The following MARK3 variants were observed in gnomAD, a reference collection of about 807,000 sequenced individuals.
MARK3 encodes the protein microtubule affinity regulating kinase 3, also known as MAP/microtubule affinity-regulating kinase 3.
MARK3 carries 46 observed loss-of-function variants against 90.1 expected under a neutral mutation model. That is an observed-to-expected ratio of 0.51 (90% CI 0.40 to 0.65). The LOEUF (loss-of-function observed/expected upper bound fraction) is 0.65. Among genes scored for constraint, MARK3 ranks in the 30% least tolerant of loss-of-function variants. MARK3 has a pLI of 0.00. For synonymous variants in MARK3, 321 were observed against 332.6 expected (o/e 0.97, Z 0.38); for missense variants, 818 against 947.2 (o/e 0.86, Z 1.79).
At position 103,474,045 on chromosome 14, in the gene MARK3, ATAT is replaced by A. The variant is rs1395260710; in HGVS notation, c.1265-947_1265-945del. Reference sequence around the variant, plus strand: ...CCCCGTCTCTACTAAAAAAAAAAAAATATATACAAAAAAAAAAAATTAGTTGGC... The same window carrying A: ...CCCCGTCTCTACTAAAAAAAAAAAAAATACAAAAAAAAAAAATTAGTTGGC... On this transcript the variant is annotated intron_variant, in intron 12 of 17. Transcript: ENST00000429436. 8.1e-5 allele frequency among the ~76,000 whole-genome samples: 6 copies of A among 73,870 alleles called. 2 individuals are homozygous for A. The highest frequency in any genetic ancestry group is 1.4e-4 in the Admixed American group (1 of 7,386). The allele number at this position is 73,870 out of a possible 152,430, so 48.5% of individuals were successfully genotyped here.
chr14:103,502,355 G>A (rs2075716184), intron 17 of MARK3, among the ~76,000 whole-genome samples: 1 of 152,250 alleles, frequency 6.6e-6, no homozygotes, highest in East Asian at 1.9e-4. Flanking sequence ...AATGAGGTGG[G>A]TAGAGCATCA....
intron 2 of MARK3, among the ~76,000 whole-genome samples, chr14:103,407,676 T>G (rs1001358236): frequency 6.8e-6 from 1 of 147,886 alleles, no homozygotes; most frequent in African/African-American, 2.5e-5. Flanking sequence ...TTCTCCTGCC[T>G]CAGCCTCCTG....
chr14:103,432,679 G>A (rs1026346049), intron 3 of MARK3, among the ~76,000 whole-genome samples: 15 of 151,880 alleles, frequency 9.9e-5, no homozygotes, highest in Non-Finnish European at 1.6e-4. Context: ...AGAGAGACCC[G>A]TCTCTACCAA....
At chr14:103,452,786 G>A (rs1021507793) in intron 5 of MARK3, among the ~76,000 whole-genome samples, 1 of 152,162 alleles carries the variant, frequency 6.6e-6, no homozygotes, top group Non-Finnish European at 1.5e-5. Flanking sequence ...TTGTCTTTTT[G>A]TGTCTGGCTG....
chr14:103,431,861 A>G (rs991992338), intron 3 of MARK3, among the ~76,000 whole-genome samples: 1 of 152,004 alleles, frequency 6.6e-6, no homozygotes, highest in African/African-American at 2.4e-5. Flanking sequence ...AGAAGTTGCT[A>G]TTTTGGGTCT....
intron 14 of MARK3, among the ~76,000 whole-genome samples, chr14:103,486,679 T>C (rs2093935036): frequency 6.6e-6 from 1 of 152,130 alleles, no homozygotes; most frequent in Non-Finnish European, 1.5e-5. Context: ...CATTGTGATG[T>C]TGGGGCTGCC....
intron 2 of MARK3, among the ~76,000 whole-genome samples, chr14:103,410,996 C>T (rs979983225): frequency 3.3e-5 from 5 of 152,126 alleles, no homozygotes; most frequent in Non-Finnish European, 4.4e-5. Flanking sequence ...TTCTATAGGC[C>T]GGGTGCAGTG....
At chr14:103,426,431 CT>C (rs767824738) in intron 2 of MARK3, among the ~76,000 whole-genome samples, 1 of 152,088 alleles carries the variant, frequency 6.6e-6, no homozygotes, top group Non-Finnish European at 1.5e-5. Flanking sequence ...AGCTCATTCC[CT>C]GGACTTTGGC....
chr14:103,406,008 A>C (rs565263030), intron 2 of MARK3, among the ~76,000 whole-genome samples: 1 of 151,988 alleles, frequency 6.6e-6, no homozygotes, highest in African/African-American at 2.4e-5. Flanking sequence ...CTCCCACCTC[A>C]GCCTCTCGAG....
At chr14:103,441,572 C>T (rs899401516) in intron 3 of MARK3, 1 of 152,228 alleles carries the variant, frequency 6.6e-6, no homozygotes, top group African/African-American at 2.4e-5. Flanking sequence ...AGGTGTGAGC[C>T]CCCACGTCCG....
At position 103,491,951 on chromosome 14, in the gene MARK3, C is replaced by G. The variant is rs370314522; in HGVS notation, c.1761C>G (p.Ser587=). 2 of 1,614,064 alleles carry G rather than the reference C, an allele frequency of 1.2e-6. No homozygotes were observed. The highest frequency in any genetic ancestry group is 8.5e-7 in the Non-Finnish European group (1 of 1,180,048). ...GCCCTCCTGCCTCTCCCAGCCTGTC[C>G]CATGAAGCCACACCATTGTCCCAGA... ...YNGPPASPSL[S]HEATPLSQTR... Residue 587 remains serine, a synonymous_variant, in exon 15 of 18, where the codon TCC becomes TCG. Coordinates refer to ENST00000429436, the MANE Select transcript of MARK3 (RefSeq NM_001128918.3).
At chr14:103,456,619 T>A (rs1424746641) in intron 5 of MARK3, among the ~76,000 whole-genome samples, 3 of 152,232 alleles carry the variant, frequency 2.0e-5, no homozygotes, top group African/African-American at 7.2e-5. Context: ...ATATGTTTAT[T>A]CATTTATTGC....
intron 3 of MARK3, among the ~76,000 whole-genome samples, chr14:103,434,694 A>T (rs2141121554): frequency 6.6e-6 from 1 of 152,326 alleles, no homozygotes; most frequent in South Asian, 2.1e-4. Context: ...GGGCTTCTGA[A>T]ATTGAGCAGC....
At chr14:103,423,617 C>A (rs1278932188) in intron 2 of MARK3, among the ~76,000 whole-genome samples, 1 of 152,156 alleles carries the variant, frequency 6.6e-6, no homozygotes, top group Non-Finnish European at 1.5e-5. Context: ...CTTTTGGTGA[C>A]CCCAAGGTTT....
intron 15 of MARK3, among the ~76,000 whole-genome samples, chr14:103,493,846 G>A (rs1193334554): frequency 1.4e-5 from 2 of 141,970 alleles, no homozygotes; most frequent in African/African-American, 5.3e-5. Flanking sequence ...CTGCACTCTA[G>A]TCTGGGTGAC....
chr14:103,464,671 G>A (rs932487159), intron 7 of MARK3, among the ~76,000 whole-genome samples: 23 of 151,976 alleles, frequency 1.5e-4, no homozygotes, highest in Non-Finnish European at 2.2e-4. Context: ...CTATTTAGCC[G>A]TTTTTATGAA....
chr14:103,401,259 A>G lies in MARK3; in HGVS notation c.52-3817A>G, dbSNP rs77685823. 1.7e-3 allele frequency among the ~76,000 whole-genome samples: 255 copies of G among 152,332 alleles called. 5 individuals carry two copies. The East Asian group carries it at 0.041, about 24-fold the overall frequency. On this transcript the variant is annotated intron_variant, in intron 1 of 17. Transcript: ENST00000429436. The stretch of plus-strand genomic sequence containing the variant: ...ATTTTTTAATTTAAGGACTTCGTCA[A>G]GAAACATCGAATTAAATATATTGAG...
At chr14:103,392,725 T>A (rs893514147) in intron 1 of MARK3, among the ~76,000 whole-genome samples, 5 of 152,206 alleles carry the variant, frequency 3.3e-5, no homozygotes, top group Admixed American at 1.3e-4. Context: ...TGCCATTTGG[T>A]GATCACTTAA....
chr14:103,449,023 C>A, intron 4 of MARK3, 56 bp downstream of exon 4: 2 of 1,483,630 alleles, frequency 1.3e-6, no homozygotes, highest in South Asian at 1.2e-5. Flanking sequence ...GAAATTATGT[C>A]ATAAAGCTAA....
Sources: gnomAD v4.1 joint callset for allele counts (sites outside exome capture counted in the v4.1 genomes callset) on GRCh38, gnomAD v4.1.1 for gene constraint, MANE v1.5 for transcripts, NCBI Gene and HGNC (gene_info 2026-07-23, HGNC 2026-07-21) for gene names.